Variants in DOCK1 observed in about 807,000 individuals in gnomAD.
DOCK1 encodes the protein dedicator of cytokinesis protein 1.
Under a neutral mutation model 262.7 loss-of-function variants are expected in DOCK1, and 138 were observed. That is an observed-to-expected ratio of 0.53 (90% CI 0.46 to 0.61). The LOEUF (loss-of-function observed/expected upper bound fraction) is 0.61, where lower values mean the gene tolerates loss of function less well. Ranked by LOEUF, DOCK1 falls within the 20% of genes least tolerant of loss-of-function variation. DOCK1 has a pLI of 0.00. For synonymous variants in DOCK1, 866 were observed against 867.4 expected, an observed-to-expected ratio of 1.00 and a Z score of 0.03; for missense variants, 1,908 against 2,370.7, an observed-to-expected ratio of 0.80 and a Z score of 4.05.
At chr10:127,064,873 A>G (rs1473492362) in intron 23 of DOCK1, among the ~76,000 whole-genome samples, 6 of 152,194 alleles carry the variant, frequency 3.9e-5, no homozygotes, top group Admixed American at 3.9e-4. Context: ...TCCAAACTGA[A>G]TGGAACTCCA....
intron 29 of DOCK1, among the ~76,000 whole-genome samples, chr10:127,283,757 A>T (rs1227438895): frequency 6.6e-6 from 1 of 152,198 alleles, no homozygotes; most frequent in East Asian, 1.9e-4. Context: ...CAGTGGGTAT[A>T]CCATAACTTG....
chr10:127,183,690 G>T (rs1274369658), intron 27 of DOCK1, among the ~76,000 whole-genome samples: 1 of 152,168 alleles, frequency 6.6e-6, no homozygotes, highest in Non-Finnish European at 1.5e-5. Context: ...GCTATTCATT[G>T]CAAGTGTGCA....
At chr10:127,022,647 C>T (rs1223084821) in intron 13 of DOCK1, among the ~76,000 whole-genome samples, 2 of 152,182 alleles carry the variant, frequency 1.3e-5, no homozygotes, top group African/African-American at 4.8e-5. Context: ...CTACCCACCT[C>T]GGCATCCCAA....
At chr10:127,054,322 G>GCTT (rs139766596) in intron 22 of DOCK1, among the ~76,000 whole-genome samples, 57 of 152,296 alleles carry the variant, frequency 3.7e-4, no homozygotes, top group African/African-American at 1.1e-3. Context: ...ACTGGAGTGT[G>GCTT]CTTCTGTTCA....
At chr10:127,201,304 C>T (rs1437346833) in intron 27 of DOCK1, among the ~76,000 whole-genome samples, 1 of 152,166 alleles carries the variant, frequency 6.6e-6, no homozygotes, top group African/African-American at 2.4e-5. Context: ...GCCCCTTGCC[C>T]GTGGCTCTTG....
At chr10:127,011,023 AG>A (rs1306144131) in intron 11 of DOCK1, among the ~76,000 whole-genome samples, 2 of 152,262 alleles carry the variant, frequency 1.3e-5, no homozygotes, top group African/African-American at 4.8e-5. Flanking sequence ...TGATTTTCAC[AG>A]AACATGTTAT....
At chr10:127,271,528 T>C (rs1446920799) in intron 29 of DOCK1, among the ~76,000 whole-genome samples, 1 of 152,216 alleles carries the variant, frequency 6.6e-6, no homozygotes, top group East Asian at 1.9e-4. Context: ...GTTAACAGCA[T>C]TGTGACATTT....
In DOCK1 at chr10:127,451,469, T is replaced by C. The variant is rs576978834; in HGVS notation, c.*42T>C. The C allele has an allele frequency of 5.0e-5, 77 of 1,551,622 alleles. No individual in the cohort carries two copies. The highest frequency in any genetic ancestry group is 3.7e-4 in the Admixed American group (19 of 51,096). ...GGAAAGAGTGTGCTGCCCCTCCCCA[T>C]CTCCATGCCCTCTCCTTCTGTGTCC... On this transcript the variant is annotated 3_prime_UTR_variant, in exon 52 of 52. Coordinates refer to ENST00000623213, the MANE Select transcript of DOCK1 (RefSeq NM_001290223.2).
At chr10:126,946,037 A>G (rs1591392793) in intron 1 of DOCK1, among the ~76,000 whole-genome samples, 1 of 152,214 alleles carries the variant, frequency 6.6e-6, no homozygotes, top group Non-Finnish European at 1.5e-5. Flanking sequence ...CATACCATGC[A>G]GGGTATCCAC....
chr10:127,145,481 T>G (rs528554142), intron 27 of DOCK1, among the ~76,000 whole-genome samples: 1 of 152,164 alleles, frequency 6.6e-6, no homozygotes, highest in Admixed American at 6.5e-5. Context: ...TTTCCAACTT[T>G]TGACAGAAAC....
chr10:126,997,889 G>C (rs1216173644), intron 7 of DOCK1: 1 of 603,098 alleles, frequency 1.7e-6, no homozygotes, highest in Non-Finnish European at 2.8e-6. Context: ...CAGCACAGCA[G>C]TTGCACAGGA....
At chr10:127,274,517 G>A (rs951955093) in intron 29 of DOCK1, among the ~76,000 whole-genome samples, 1 of 152,180 alleles carries the variant, frequency 6.6e-6, no homozygotes, top group African/African-American at 2.4e-5. Context: ...CACCAGCGAT[G>A]GCCATGTCTT....
chr10:127,252,563 A>G (rs1464114579), intron 28 of DOCK1, among the ~76,000 whole-genome samples: 2 of 149,386 alleles, frequency 1.3e-5, no homozygotes, highest in African/African-American at 4.9e-5. Context: ...TAATTTTTGT[A>G]TAAGGTGTAA....
chr10:127,019,515 G>A (rs1419668279), intron 13 of DOCK1, among the ~76,000 whole-genome samples: 1 of 139,308 alleles, frequency 7.2e-6, no homozygotes, highest in Non-Finnish European at 1.6e-5. Flanking sequence ...TTGGGAGTTC[G>A]AGGCGGGGGG....
rs376700800 is a variant in DOCK1 at position 127,122,362 on chromosome 10, G to A, written c.2624-3112G>A. Among the ~76,000 whole-genome samples the A allele has an allele frequency of 1.7e-4, 26 of 152,258 alleles. 1 individual carries two copies. Among genetic ancestry groups the A allele is most frequent in the Admixed American group, 4.6e-4 (7 of 15,306 alleles). ...CTTTGGCCTTTAGGGAAAGAGCCTC[G>A]TTGCCAGCCTGGTCCTCCTCAGTGA... On this transcript the variant is annotated intron_variant, in intron 25 of 51. Coordinates refer to ENST00000623213, the MANE Select transcript of DOCK1 (RefSeq NM_001290223.2).
At chr10:127,186,122 G>GA (rs900212376) in intron 27 of DOCK1, among the ~76,000 whole-genome samples, 13 of 152,206 alleles carry the variant, frequency 8.5e-5, no homozygotes, top group African/African-American at 2.4e-4. Flanking sequence ...CTTTCAGAGG[G>GA]AAAAAAACAA....
At position 127,335,955 on chromosome 10, in the gene DOCK1, A is replaced by G. The variant is rs575316344; in HGVS notation, c.3045-3051A>G. On this transcript the variant is annotated intron_variant, in intron 29 of 51. Coordinates refer to ENST00000623213, the MANE Select transcript of DOCK1 (RefSeq NM_001290223.2). ...ATGGTTTCGATCTCCTGACCTTGTG[A>G]TCCGCCTGCCTTGGCCTCCCAAAGT... 9.2e-5 allele frequency among the ~76,000 whole-genome samples: 14 copies of G among 151,494 alleles called. No individual in the cohort carries two copies. The East Asian group carries it at 2.7e-3, about 29-fold the overall frequency.
At chr10:127,371,226 G>C (rs970417425) in intron 33 of DOCK1, among the ~76,000 whole-genome samples, 1 of 152,266 alleles carries the variant, frequency 6.6e-6, no homozygotes. Context: ...CCTGGAATTA[G>C]AGGCTAGTTG....
intron 32 of DOCK1, among the ~76,000 whole-genome samples, chr10:127,356,572 G>A (rs1434727893): frequency 6.6e-6 from 1 of 152,168 alleles, no homozygotes. Context: ...CCAGACGGCA[G>A]GCCCCACACC....
Sources: gnomAD v4.1 joint callset for allele counts (sites outside exome capture counted in the v4.1 genomes callset) on GRCh38, gnomAD v4.1.1 for gene constraint, MANE v1.5 for transcripts, NCBI Gene and HGNC (gene_info 2026-07-23, HGNC 2026-07-21) for gene names.